TTC29: variants seen among roughly 807,000 people sequenced by gnomAD.
TTC29 encodes the protein tetratricopeptide repeat domain 29, also known as tetratricopeptide repeat protein 29.
In TTC29, 49 loss-of-function variants were observed where a neutral mutation model predicts 58.1. The observed-to-expected ratio is 0.84, with a 90% CI of 0.67 to 1.07. The LOEUF is 1.07. TTC29 is among the 50% of genes least tolerant of loss of function. The pLI is 0.00. For synonymous variants in TTC29, 209 were observed against 196.8 expected (o/e 1.06, Z -0.52); for missense variants, 582 against 555.6 (o/e 1.05, Z -0.48).
chr4:146,786,131 A>C (rs940758097), intron 11 of TTC29, among the ~76,000 whole-genome samples: 3 of 152,148 alleles, frequency 2.0e-5, no homozygotes, highest in Non-Finnish European at 4.4e-5. Context: ...AATAAAACTT[A>C]TGAGTGGAGT....
Position 146,902,472 on chromosome 4 carries a change from C to T in TTC29, c.586+1072G>A, listed in dbSNP as rs931140896. Among the ~76,000 whole-genome samples, 39 of 152,268 alleles carry T rather than the reference C, an allele frequency of 2.6e-4. No homozygotes were observed. The East Asian group carries it at 4.4e-3, about 17-fold the overall frequency. ...AAGTTAAAAAAATAATTTAACTATTCGAAGAAACACTCCACACTTCCCACT... is the reference window on the plus strand; with the variant it reads ...AAGTTAAAAAAATAATTTAACTATTTGAAGAAACACTCCACACTTCCCACT... On this transcript the variant is annotated intron_variant, in intron 6 of 12. Coordinates refer to ENST00000325106, the MANE Select transcript of TTC29 (RefSeq NM_031956.4).
intron 11 of TTC29, among the ~76,000 whole-genome samples, chr4:146,708,355 T>TATATATATATAC (rs1197518357): frequency 5.0e-5 from 1 of 19,874 alleles, no homozygotes; most frequent in African/African-American, 9.0e-5. Context: ...TATATATATA[T>TATATATATATAC]ACACATGTAT....
chr4:146,712,360 A>C (rs1351416388), intron 11 of TTC29, among the ~76,000 whole-genome samples: 1 of 152,156 alleles, frequency 6.6e-6, no homozygotes, highest in African/African-American at 2.4e-5. Context: ...TTTTGACGCT[A>C]TCTCAGTTGA....
intron 4 of TTC29, among the ~76,000 whole-genome samples, chr4:146,917,418 G>A (rs936931970): frequency 2.7e-5 from 4 of 148,242 alleles, no homozygotes; most frequent in Non-Finnish European, 4.5e-5. Flanking sequence ...CCATTATAAT[G>A]ATCTTGATTT....
intron 11 of TTC29, among the ~76,000 whole-genome samples, chr4:146,725,840 T>C (rs1425480721): frequency 1.3e-5 from 2 of 152,156 alleles, no homozygotes; most frequent in South Asian, 2.1e-4. Flanking sequence ...GTAAATTACA[T>C]ATCAACTTGA....
chr4:146,761,865 G>C (rs544293812), intron 11 of TTC29, among the ~76,000 whole-genome samples: 3 of 151,738 alleles, frequency 2.0e-5, no homozygotes, highest in Non-Finnish European at 4.4e-5. Flanking sequence ...TTAGGAATTT[G>C]AGAAACGTTG....
At chr4:146,893,904 C>A (rs1182913938) in intron 6 of TTC29, among the ~76,000 whole-genome samples, 5 of 152,136 alleles carry the variant, frequency 3.3e-5, no homozygotes, top group African/African-American at 4.8e-5. Context: ...GAAGACATTT[C>A]TGCAGCCAAA....
intron 11 of TTC29, among the ~76,000 whole-genome samples, chr4:146,767,518 A>T (rs1372631005): frequency 6.6e-6 from 1 of 152,040 alleles, no homozygotes; most frequent in African/African-American, 2.4e-5. Flanking sequence ...GTGGAAGCGC[A>T]CATTTCTTCT....
intron 4 of TTC29, among the ~76,000 whole-genome samples, chr4:146,911,579 T>C (rs547937952): frequency 1.3e-5 from 2 of 152,302 alleles, no homozygotes; most frequent in East Asian, 3.9e-4. Context: ...TTTTCTTGCC[T>C]AAAGGCAGGC....
chr4:146,707,237 C>A, intron 12 of TTC29, 49 bp from the exon 13 acceptor site: 1 of 1,244,170 alleles, frequency 8.0e-7, no homozygotes, highest in Admixed American at 2.8e-5. Context: ...GGCTAGAAAG[C>A]AAAGAACATT....
intron 8 of TTC29, among the ~76,000 whole-genome samples, chr4:146,839,417 T>C (rs1263660281): frequency 6.6e-6 from 1 of 152,036 alleles, no homozygotes; most frequent in East Asian, 1.9e-4. Context: ...GCATTATACA[T>C]TTTATACAGG....
In TTC29 at chr4:146,917,600, T is replaced by C. The variant is rs1203576908; in HGVS notation, c.177-8351A>G. On this transcript the variant is annotated intron_variant, in intron 4 of 12. Coordinates refer to ENST00000325106, the MANE Select transcript of TTC29 (RefSeq NM_031956.4). ...ATGCAATTAGATATTATATACATTA[T>C]ATATTATTTATAATATATAATTAGA... is the stretch of plus-strand genomic sequence containing the variant. 3.7e-5 allele frequency among the ~76,000 whole-genome samples: 4 copies of C among 108,340 alleles called. No homozygotes were observed. In the East Asian group the frequency reaches 8.1e-4, roughly 22 times the overall value. 71.1% of individuals were successfully genotyped at this position (108,340 alleles called of 152,430 possible).
chr4:146,878,146 G>A lies in TTC29; in HGVS notation c.587-3218C>T, dbSNP rs569072479. 8.3e-3 allele frequency among the ~76,000 whole-genome samples: 1,271 copies of A among 152,252 alleles called. 18 individuals carry two copies. The highest frequency in any genetic ancestry group is 0.029 in the African/African-American group (1,200 of 41,558). On this transcript the variant is annotated intron_variant, in intron 6 of 12. Coordinates refer to ENST00000325106, the MANE Select transcript of TTC29 (RefSeq NM_031956.4). ...AGTGAGGATGGTCCTCAGGACACTGGTTTCAGCTGGTGACTACAGAAGGCA... is the reference window on the plus strand; with the variant it reads ...AGTGAGGATGGTCCTCAGGACACTGATTTCAGCTGGTGACTACAGAAGGCA...
intron 3 of TTC29, among the ~76,000 whole-genome samples, chr4:146,939,101 G>A (rs1736118267): frequency 6.6e-6 from 1 of 152,088 alleles, no homozygotes; most frequent in Non-Finnish European, 1.5e-5. Flanking sequence ...TACAAGTAAG[G>A]CTCTACCCTC....
chr4:146,731,134 T>C (rs1372768048), intron 11 of TTC29, among the ~76,000 whole-genome samples: 2 of 152,102 alleles, frequency 1.3e-5, no homozygotes, highest in Non-Finnish European at 2.9e-5. Flanking sequence ...CAGTTAATCC[T>C]TAGTAAAAGG....
rs1401803984 is a variant in TTC29, at chr4:146,908,765, G to A, written c.400+261C>T. Among the ~76,000 whole-genome samples, 7 of 152,292 alleles carry A rather than the reference G, an allele frequency of 4.6e-5. No homozygotes were observed. In the East Asian group the frequency reaches 1.4e-3, roughly 29 times the overall value. ...GATAGGAACTATGTTAATTCATGGG[G>A]GAAGTTCTGGAGATATTATTAGGTG... On this transcript the variant is annotated intron_variant, in intron 5 of 12. Transcript: ENST00000325106.
chr4:146,865,658 T>C (rs1730517069), intron 8 of TTC29, among the ~76,000 whole-genome samples: 1 of 152,048 alleles, frequency 6.6e-6, no homozygotes, highest in African/African-American at 2.4e-5. Context: ...AATCTAAAAG[T>C]TGAAATTATA....
intron 11 of TTC29, among the ~76,000 whole-genome samples, chr4:146,794,626 T>G (rs1195416243): frequency 6.6e-6 from 1 of 152,076 alleles, no homozygotes; most frequent in African/African-American, 2.4e-5. Flanking sequence ...TACGTTAGTA[T>G]TAGAATTAAA....
chr4:146,894,117 T>C lies in TTC29; in HGVS notation c.586+9427A>G, dbSNP rs202242682. Among the ~76,000 whole-genome samples the C allele has an allele frequency of 9.2e-5, 14 of 152,286 alleles. No individual in the cohort carries two copies. In the East Asian group the frequency reaches 2.7e-3, roughly 29 times the overall value. ...CTAGTTCAACCATTGTGGAAGTCAA[T>C]ATGGCGATTCCTCAGGGATCTAGAA... is the stretch of plus-strand genomic sequence containing the variant. On this transcript the variant is annotated intron_variant, in intron 6 of 12. Coordinates refer to ENST00000325106, the MANE Select transcript of TTC29 (RefSeq NM_031956.4).
Sources: gnomAD v4.1 joint callset for allele counts (sites outside exome capture counted in the v4.1 genomes callset) on GRCh38, gnomAD v4.1.1 for gene constraint, MANE v1.5 for transcripts, NCBI Gene and HGNC (gene_info 2026-07-23, HGNC 2026-07-21) for gene names.